NEFM: variants seen among roughly 807,000 people sequenced by gnomAD.
NEFM encodes the protein neurofilament medium chain.
NEFM carries 16 observed loss-of-function variants against 48.1 expected under a neutral mutation model. The ratio of observed to expected loss-of-function variants is 0.33; its 90% CI spans 0.23 to 0.51. The LOEUF (loss-of-function observed/expected upper bound fraction) is 0.51, where lower values mean the gene tolerates loss of function less well. Ranked by LOEUF, NEFM falls within the 20% of genes least tolerant of loss-of-function variation. NEFM has a pLI of 0.98. For synonymous variants in NEFM, 465 were observed against 456.9 expected, an observed-to-expected ratio of 1.02 and a Z score of -0.23; for missense variants, 1,107 against 1,136.0, an observed-to-expected ratio of 0.97 and a Z score of 0.37.
chr8:24,914,808 G>A lies in NEFM; in HGVS notation c.1015G>A (p.Glu339Lys). Residue 339 changes from glutamate (E) to lysine (K), a missense_variant, in exon 1 of 3, where the codon GAG (glutamate) becomes AAG (lysine). By Grantham distance (56) the Glu-to-Lys change is moderately conservative (BLOSUM62 1). Transcript: ENST00000221166. ...GCTAGAGTCGGTGCGCGGCACCAAG[G>A]AGTCCCTGGAGCGGCAGCTCAGCGA... is the stretch of plus-strand genomic sequence containing the variant. ...IELESVRGTK[E>K]SLERQLSDIE... 1 of 1,604,176 alleles carries A rather than the reference G, an allele frequency of 6.2e-7. No individual in the cohort carries two copies.
At position 24,917,574 on chromosome 8, in the gene NEFM, T is replaced by G. The variant is rs1393656199; in HGVS notation, c.1719T>G (p.Ala573=). ...AGCAGGAAGAAGGAGAAACAGAAGC[T>G]GAAGCTGAAGGAGAGGAAGCCGAAG... The part of the protein sequence containing the change: ...EGEQEEGETE[A]EAEGEEAEAK... Residue 573 remains alanine, a synonymous_variant, in exon 3 of 3, where the codon GCT becomes GCG. Transcript: ENST00000221166. 1 of 1,586,612 alleles carries G rather than the reference T, an allele frequency of 6.3e-7. No individual in the cohort carries two copies. The highest frequency in any genetic ancestry group is 8.6e-7 in the Non-Finnish European group (1 of 1,166,124).
chr8:24,917,966 A>G lies in NEFM; in HGVS notation c.2111A>G (p.Glu704Gly), dbSNP rs775782401. ...GTGGGGAAAGGTGAACAGAAAGAGG[A>G]AGAAGAAAAGGAAGTCAAGGAAGCT... The part of the protein sequence containing the change: ...AEVGKGEQKE[E>G]EEKEVKEAPK... Residue 704 changes from glutamate to glycine, a missense_variant, in exon 3 of 3, where the codon GAA becomes GGA. By Grantham distance (98) the Glu-to-Gly change is moderately conservative. Transcript: ENST00000221166. The G allele has an allele frequency of 6.2e-7, 1 of 1,613,334 alleles. No homozygotes were observed. Among genetic ancestry groups the G allele is most frequent in the Non-Finnish European group, 8.5e-7 (1 of 1,179,572 alleles).
Position 24,917,650 on chromosome 8 carries a change from G to A in NEFM, c.1795G>A (p.Glu599Lys), listed in dbSNP as rs561633782. Residue 599 changes from glutamate (E) to lysine (K), a missense_variant, in exon 3 of 3, where the codon GAG becomes AAG. Glu to Lys is a moderately conservative substitution (Grantham distance 56). Around this residue, in one of 3 missense-constraint regions of NEFM, gnomAD observed 917 missense variants for 916.4 expected, o/e 1.00. Coordinates refer to ENST00000221166, the MANE Select transcript of NEFM (RefSeq NM_005382.2). The part of the protein sequence containing the change: ...EEKSEEVATK[E>K]ELVADAKVEK... ...AAAGAGTGAGGAAGTGGCTACCAAG[G>A]AGGAGCTGGTGGCAGATGCCAAGGT... 15 of 1,613,180 alleles carry A rather than the reference G, an allele frequency of 9.3e-6. No individual in the cohort carries two copies. Among genetic ancestry groups the A allele is most frequent in the Non-Finnish European group, 1.3e-5 (15 of 1,180,034 alleles).
intron 1 of NEFM, 38 bp downstream of exon 1, chr8:24,914,911 C>A (rs1286253762): frequency 1.3e-6 from 2 of 1,545,868 alleles, no homozygotes; most frequent in Non-Finnish European, 1.7e-6. Context: ...TGCGCCAGCG[C>A]CAGCGCCGCG....
At position 24,914,278 on chromosome 8, in the gene NEFM, A is replaced by T; in HGVS notation, c.485A>T (p.Glu162Val). 1 of 1,612,656 alleles carries T rather than the reference A, an allele frequency of 6.2e-7. No homozygotes were observed. Among genetic ancestry groups the T allele is most frequent in the Non-Finnish European group, 8.5e-7 (1 of 1,179,546 alleles). The change falls in exon 1 of 3, where the codon GAG (glutamate) becomes GTG (valine). Residue 162 changes from glutamate to valine, a missense_variant. Coordinates refer to ENST00000221166, the MANE Select transcript of NEFM (RefSeq NM_005382.2). ...QEIRELRATL[E>V]MVNHEKAQVQ... Reference sequence around the variant, plus strand: ...ATCCGCGAGCTGCGCGCCACCCTGGAGATGGTGAACCACGAGAAGGCTCAG... The same window carrying T: ...ATCCGCGAGCTGCGCGCCACCCTGGTGATGGTGAACCACGAGAAGGCTCAG...
intron 2 of NEFM, among the ~76,000 whole-genome samples, chr8:24,916,667 G>A (rs1035891671): frequency 1.3e-5 from 2 of 152,124 alleles, no homozygotes; most frequent in African/African-American, 4.8e-5. Context: ...TGGAGTTTGG[G>A]GGCGTTTTGT....
chr8:24,918,382 A>C lies in NEFM; in HGVS notation c.2527A>C (p.Lys843Gln). The change falls in exon 3 of 3, where the codon AAG (lysine) becomes CAG (glutamine). Residue 843 changes from lysine to glutamine, a missense_variant. Transcript: ENST00000221166. The part of the protein sequence containing the change: ...GLDLSPADEK[K>Q]GGDKSEEKVV... ...AGACTTGAGCCCAGCAGATGAAAAG[A>C]AGGGGGGTGATAAAAGTGAGGAGAA... is the stretch of plus-strand genomic sequence containing the variant. 6.2e-7 allele frequency: 1 copy of C among 1,614,032 alleles called. No individual in the cohort carries two copies. Among genetic ancestry groups the C allele is most frequent in the East Asian group, 2.2e-5 (1 of 44,866 alleles).
At position 24,917,517 on chromosome 8, in the gene NEFM, G is replaced by A; in HGVS notation, c.1662G>A (p.Glu554=). The A allele has an allele frequency of 6.4e-7, 1 of 1,556,046 alleles. No homozygotes were observed. Among genetic ancestry groups the A allele is most frequent in the South Asian group, 1.2e-5 (1 of 84,654 alleles). ...ACCAAGCCGAAGAGGGAGGATCCGAGAAGGAAGGCTCTAGTGAAAAAGAGG... is the reference window on the plus strand; with the variant it reads ...ACCAAGCCGAAGAGGGAGGATCCGAAAAGGAAGGCTCTAGTGAAAAAGAGG... The part of the protein sequence containing the change: ...KSDQAEEGGS[E]KEGSSEKEEG... Residue 554 remains glutamate (E), a synonymous_variant, in exon 3 of 3, where the codon GAG becomes GAA. Coordinates refer to ENST00000221166, the MANE Select transcript of NEFM (RefSeq NM_005382.2).
rs181639767 is a variant in NEFM at position 24,918,682 on chromosome 8, C to T, written c.*76C>T. On this transcript the variant is annotated 3_prime_UTR_variant, in exon 3 of 3. Coordinates refer to ENST00000221166, the MANE Select transcript of NEFM (RefSeq NM_005382.2). ...TGTGATTGGCAGCTTCAAAACAGAA[C>T]GGGTTCTCCCATGGGGGCTCCAGAC... 9.2e-5 allele frequency: 98 copies of T among 1,066,280 alleles called. No individual in the cohort carries two copies. In the African/African-American group the frequency reaches 1.1e-3, roughly 12 times the overall value. 66.1% of individuals were successfully genotyped at this position (1,066,280 alleles called of 1,614,324 possible).
intron 1 of NEFM, chr8:24,915,347 T>C (rs936130228): frequency 2.4e-6 from 3 of 1,243,492 alleles, no homozygotes; most frequent in South Asian, 1.6e-5. Flanking sequence ...TGAGACGTGT[T>C]CTAAGTCCAC....
rs188421098 is a variant in NEFM at position 24,918,389 on chromosome 8, G to T, written c.2534G>T (p.Gly845Val). 6 of 1,614,090 alleles carry T rather than the reference G, an allele frequency of 3.7e-6. No individual in the cohort carries two copies. In the Admixed American group the frequency reaches 6.7e-5, roughly 18 times the overall value. ...DLSPADEKKG[G>V]DKSEEKVVVT... ...AGCCCAGCAGATGAAAAGAAGGGGGGTGATAAAAGTGAGGAGAAAGTGGTG... is the reference window on the plus strand; with the variant it reads ...AGCCCAGCAGATGAAAAGAAGGGGGTTGATAAAAGTGAGGAGAAAGTGGTG... Residue 845 changes from glycine (G) to valine (V), a missense_variant, in exon 3 of 3, where the codon GGT becomes GTT. This residue lies in a region of NEFM where 917 missense variants were observed against 916.4 expected (regional missense o/e 1.00). Coordinates refer to ENST00000221166, the MANE Select transcript of NEFM (RefSeq NM_005382.2).
chr8:24,914,675 C>T lies in NEFM; in HGVS notation c.882C>T (p.Cys294=), dbSNP rs1286466588. ...ACCAGGCCGAAGAGTGGTTCAAATG[C>T]CGCTACGCCAAGCTCACCGAGGCGG... ...NMHQAEEWFK[C]RYAKLTEAAE... The change falls in exon 1 of 3, where the codon TGC becomes TGT. Residue 294 remains cysteine (C), a synonymous_variant. Transcript: ENST00000221166. 1 of 1,614,068 alleles carries T rather than the reference C, an allele frequency of 6.2e-7. No individual in the cohort carries two copies. The highest frequency in any genetic ancestry group is 8.5e-7 in the Non-Finnish European group (1 of 1,180,052).
Position 24,914,413 on chromosome 8 carries a change from G to T in NEFM, c.620G>T (p.Arg207Leu). Residue 207 changes from arginine to leucine, a missense_variant, in exon 1 of 3, where the codon CGC becomes CTC. Physicochemically the swap from Arg to Leu is moderately radical, Grantham distance 102. This residue lies in a region of NEFM where 917 missense variants were observed against 916.4 expected (regional missense o/e 1.00). Transcript: ENST00000221166. ...ACTGAGGCGGCCATCCGCGCGCTGCGCAAAGACATCGAGGAGGCGTCGCTG... is the reference window on the plus strand; with the variant it reads ...ACTGAGGCGGCCATCCGCGCGCTGCTCAAAGACATCGAGGAGGCGTCGCTG... ...DDTEAAIRAL[R>L]KDIEEASLVK... The T allele has an allele frequency of 6.2e-7, 1 of 1,613,586 alleles. No individual in the cohort carries two copies. Among genetic ancestry groups the T allele is most frequent in the South Asian group, 1.1e-5 (1 of 91,084 alleles).
chr8:24,915,892 T>G (rs1802566562), intron 2 of NEFM, among the ~76,000 whole-genome samples, 163 bp downstream of exon 2: 1 of 152,238 alleles, frequency 6.6e-6, no homozygotes, highest in African/African-American at 2.4e-5. Flanking sequence ...GAATTGCAAG[T>G]GTAGTTTTAT....
chr8:24,917,702 C>T lies in NEFM; in HGVS notation c.1847C>T (p.Pro616Leu), dbSNP rs147082995. The change falls in exon 3 of 3, where the codon CCT becomes CTT. Residue 616 changes from proline (P) to leucine (L), a missense_variant. This residue lies in a region of NEFM where 917 missense variants were observed against 916.4 expected (regional missense o/e 1.00). Transcript: ENST00000221166. ...GAAAAGCCAGAAAAAGCCAAGTCTC[C>T]TGTGCCAAAATCACCAGTGGAAGAG... The part of the protein sequence containing the change: ...KVEKPEKAKS[P>L]VPKSPVEEKG... 8.8e-5 allele frequency: 142 copies of T among 1,613,516 alleles called. No individual in the cohort carries two copies. The African/African-American group carries it at 1.7e-3, about 20-fold the overall frequency.
rs978523041 is a variant in NEFM at position 24,914,023 on chromosome 8, T to A, written c.230T>A (p.Phe77Tyr). ...MLSSAESSLD[F>Y]SQSSSLLNGG... ...AGCTCCGCCGAGAGCAGCCTTGACTTCAGCCAGTCCTCGTCCCTGCTCAAC... is the reference window on the plus strand; with the variant it reads ...AGCTCCGCCGAGAGCAGCCTTGACTACAGCCAGTCCTCGTCCCTGCTCAAC... Residue 77 changes from phenylalanine to tyrosine, a missense_variant, in exon 1 of 3, where the codon TTC becomes TAC. By Grantham distance (22) the Phe-to-Tyr change is conservative (BLOSUM62 3). Coordinates refer to ENST00000221166, the MANE Select transcript of NEFM (RefSeq NM_005382.2). 1 of 1,612,542 alleles carries A rather than the reference T, an allele frequency of 6.2e-7. No individual in the cohort carries two copies. The highest frequency in any genetic ancestry group is 8.5e-7 in the Non-Finnish European group (1 of 1,179,980).
At chr8:24,914,947 C>T in intron 1 of NEFM, 74 bp downstream of exon 1, 1 of 1,467,558 alleles carries the variant, frequency 6.8e-7, no homozygotes, top group Non-Finnish European at 8.9e-7. Context: ...GGCTCGTGCC[C>T]AGGCGCCCTC....
Position 24,917,675 on chromosome 8 carries a change from T to G in NEFM, c.1820T>G (p.Val607Gly), listed in dbSNP as rs1586109544. The change falls in exon 3 of 3, where the codon GTG becomes GGG. Residue 607 changes from valine to glycine, a missense_variant. Physicochemically the swap from Val to Gly is moderately radical, Grantham distance 109. Around this residue, in one of 3 missense-constraint regions of NEFM, gnomAD observed 917 missense variants for 916.4 expected, o/e 1.00. Coordinates refer to ENST00000221166, the MANE Select transcript of NEFM (RefSeq NM_005382.2). ...TKEELVADAK[V>G]EKPEKAKSPV... ...GAGGAGCTGGTGGCAGATGCCAAGGTGGAAAAGCCAGAAAAAGCCAAGTCT... is the reference window on the plus strand; with the variant it reads ...GAGGAGCTGGTGGCAGATGCCAAGGGGGAAAAGCCAGAAAAAGCCAAGTCT... The G allele has an allele frequency of 1.2e-6, 2 of 1,612,858 alleles. No homozygotes were observed. Among genetic ancestry groups the G allele is most frequent in the Non-Finnish European group, 1.7e-6 (2 of 1,179,928 alleles).
rs550324851 is a variant in NEFM, at chr8:24,915,212, C to A, written c.1080+339C>A. On this transcript the variant is annotated intron_variant, in intron 1 of 2. Coordinates refer to ENST00000221166, the MANE Select transcript of NEFM (RefSeq NM_005382.2). ...AACTTTAGGATAGCTTATGCAGAAA[C>A]GCGTGTATTCTCTACTTTTCCGGCA... The A allele has an allele frequency of 1.2e-5, 16 of 1,283,982 alleles. No homozygotes were observed. In the South Asian group the frequency reaches 2.7e-4, roughly 22 times the overall value. 79.5% of individuals were successfully genotyped at this position (1,283,982 alleles called of 1,614,324 possible). A position where few individuals can be genotyped will look rare whatever the true frequency, so the allele number is the denominator to read the frequency against.
Sources: gnomAD v4.1 joint callset for allele counts (sites outside exome capture counted in the v4.1 genomes callset) on GRCh38, gnomAD v4.1.1 for gene constraint, gnomAD v4.1.1 regional missense constraint, MANE v1.5 for transcripts, NCBI Gene and HGNC (gene_info 2026-07-23, HGNC 2026-07-21) for gene names.